The following SNX25 variants were observed in gnomAD, a reference collection of about 807,000 sequenced individuals.
SNX25 encodes sorting nexin-25.
A neutral mutation model predicts 113.7 loss-of-function variants in SNX25; 62 were observed. The ratio of observed to expected loss-of-function variants is 0.55; its 90% CI spans 0.44 to 0.67. The LOEUF is 0.67. Among genes scored for constraint, SNX25 ranks in the 30% least tolerant of loss-of-function variants. SNX25 has a pLI of 0.00. For synonymous variants in SNX25, 421 were observed against 436.2 expected (o/e 0.97, Z 0.43); for missense variants, 1,014 against 1,161.0 (o/e 0.87, Z 1.84).
downstream of SNX25, chr4:185,370,326 C>T: frequency 3.7e-6 from 1 of 269,564 alleles, no homozygotes; most frequent in Non-Finnish European, 7.4e-6. Context: ...TATACATTCA[C>T]ACTTGTTCTA....
At chr4:185,233,621 G>A (rs903390701) in intron 1 of SNX25, among the ~76,000 whole-genome samples, 4 of 151,770 alleles carry the variant, frequency 2.6e-5, no homozygotes, top group Middle Eastern at 3.4e-3. Context: ...GCTTCTATTC[G>A]TTCTCTACTT....
At chr4:185,362,837 C>CTTTTTTTT (rs35348535) in intron 18 of SNX25, 126 bp downstream of exon 18, 4 of 248,960 alleles carry the variant, frequency 1.6e-5, no homozygotes, top group South Asian at 5.3e-5. Context: ...TCTCCCTTGA[C>CTTTTTTTT]TTTTTTTTTT....
At chr4:185,365,974 T>C (rs1353054473), downstream of SNX25, 2 of 152,222 alleles carry the variant, frequency 1.3e-5, no homozygotes, top group Non-Finnish European at 2.9e-5. Flanking sequence ...TCTTAGTGAC[T>C]ATCACCTCCA....
chr4:185,300,840 G>C lies in SNX25; in HGVS notation c.1163-9795G>C, dbSNP rs866397193. ...ATGCCTGTGGTATTATGATTATTATGACACACACACACACACACACACACA... is the reference window on the plus strand; with the variant it reads ...ATGCCTGTGGTATTATGATTATTATCACACACACACACACACACACACACA... On this transcript the variant is annotated intron_variant, in intron 6 of 18. Coordinates refer to ENST00000652585, the MANE Select transcript of SNX25 (RefSeq NM_001378034.2). 8.1e-3 allele frequency among the ~76,000 whole-genome samples: 1,146 copies of C among 140,774 alleles called. 20 individuals are homozygous for C. The highest frequency in any genetic ancestry group is 0.029 in the African/African-American group (1,078 of 37,592). The allele number at this position is 140,774 out of a possible 152,430, so 92.4% of individuals were successfully genotyped here.
intron 1 of SNX25, among the ~76,000 whole-genome samples, chr4:185,244,472 C>T (rs1347354983): frequency 6.6e-6 from 1 of 152,162 alleles, no homozygotes; most frequent in Non-Finnish European, 1.5e-5. Context: ...TAAATATCTG[C>T]CTGATGTTTT....
At chr4:185,332,507 AGTATTTTGCAACAGG>A in intron 9 of SNX25, 73 bp from the exon 10 acceptor site, 1 of 1,231,504 alleles carries the variant, frequency 8.1e-7, no homozygotes, top group East Asian at 2.5e-5. Flanking sequence ...ACTGGAATGT[AGTATTTTGCAACAGG>A]GTATCGTGAC....
chr4:185,299,417 A>G (rs1753311735), intron 6 of SNX25, among the ~76,000 whole-genome samples: 1 of 152,160 alleles, frequency 6.6e-6, no homozygotes, highest in African/African-American at 2.4e-5. Flanking sequence ...CGTCAGCCTC[A>G]CTGGAGAGCT....
chr4:185,229,896 A>G (rs1741575456), intron 1 of SNX25, among the ~76,000 whole-genome samples: 1 of 152,062 alleles, frequency 6.6e-6, no homozygotes, highest in South Asian at 2.1e-4. Context: ...TGATGCAATC[A>G]TGGCTCTCTG....
chr4:185,339,608 A>C, intron 11 of SNX25, 98 bp downstream of exon 11: 1 of 1,434,974 alleles, frequency 7.0e-7, no homozygotes, highest in Admixed American at 2.4e-5. Context: ...TAGAAAACTT[A>C]CACTCATTCT....
At chr4:185,299,463 C>T (rs1374686341) in intron 6 of SNX25, among the ~76,000 whole-genome samples, 1 of 152,156 alleles carries the variant, frequency 6.6e-6, no homozygotes, top group Non-Finnish European at 1.5e-5. Flanking sequence ...CAACCCCTAC[C>T]AAAAGCTTCT....
chr4:185,219,634 T>A (rs752521149), intron 1 of SNX25, among the ~76,000 whole-genome samples: 25 of 152,316 alleles, frequency 1.6e-4, no homozygotes, highest in South Asian at 2.1e-4. Flanking sequence ...CCTCCTTGCA[T>A]CTCCTGTGAA....
At chr4:185,240,154 C>G (rs1423409433) in intron 1 of SNX25, among the ~76,000 whole-genome samples, 1 of 151,930 alleles carries the variant, frequency 6.6e-6, no homozygotes, top group African/African-American at 2.4e-5. Flanking sequence ...GAAAAGTCTC[C>G]CATGTCTACC....
At chr4:185,359,538 A>G (rs1169434050) in intron 16 of SNX25, among the ~76,000 whole-genome samples, 1 of 152,106 alleles carries the variant, frequency 6.6e-6, no homozygotes, top group African/African-American at 2.4e-5. Context: ...TCACGTCTGT[A>G]ATCCCAGCAC....
downstream of SNX25, chr4:185,366,233 G>A (rs978367558): frequency 2.0e-5 from 3 of 152,034 alleles, no homozygotes; most frequent in Non-Finnish European, 2.9e-5. Context: ...ATCTATATAC[G>A]GAAAGCCTTT....
At chr4:185,371,495 TCG>T (rs2126787980), downstream of SNX25, among the ~76,000 whole-genome samples, 1 of 132,754 alleles carries the variant, frequency 7.5e-6, no homozygotes, top group Non-Finnish European at 1.5e-5. Context: ...TGAGCCGAGA[TCG>T]CACCACTGCA....
intron 5 of SNX25, among the ~76,000 whole-genome samples, chr4:185,285,939 A>AT (rs397951411): frequency 0.38 from 56,125 of 148,046 alleles, 11,195 homozygotes; most frequent in East Asian, 0.56. Context: ...TGCCCAGCTA[A>AT]TTTTTTTTTT....
chr4:185,249,467 A>G (rs2126492279), intron 2 of SNX25, among the ~76,000 whole-genome samples: 1 of 152,236 alleles, frequency 6.6e-6, no homozygotes, highest in African/African-American at 2.4e-5. Flanking sequence ...TTTTAAACTT[A>G]TAATTTATTT....
At chr4:185,292,740 C>G (rs1752357398) in intron 6 of SNX25, among the ~76,000 whole-genome samples, 1 of 152,112 alleles carries the variant, frequency 6.6e-6, no homozygotes, top group African/African-American at 2.4e-5. Context: ...GGCAACATAG[C>G]AAGACCTTGT....
Position 185,346,519 on chromosome 4 carries a change from C to A in SNX25, c.2188-18C>A. 1 of 1,465,946 alleles carries A rather than the reference C, an allele frequency of 6.8e-7. No homozygotes were observed. Among genetic ancestry groups the A allele is most frequent in the Non-Finnish European group, 9.4e-7 (1 of 1,066,034 alleles). The allele number at this position is 1,465,946 out of a possible 1,614,324, so 90.8% of individuals were successfully genotyped here. On this transcript the variant is annotated intron_variant, in intron 12 of 18. Transcript: ENST00000652585. ...ATGTAATTTCAAAATACTAACATTT[C>A]ATTTTTTCCCCCCACAGTGCGTCCC...
Sources: allele counts gnomAD v4.1 joint callset (sites outside exome capture counted in the v4.1 genomes callset), GRCh38; gene constraint gnomAD v4.1.1; transcripts MANE v1.5; gene names NCBI Gene and HGNC (gene_info 2026-07-23, HGNC 2026-07-21).